CALD1: variants seen among roughly 807,000 people sequenced by gnomAD.
CALD1 encodes caldesmon.
CALD1 carries 33 observed loss-of-function variants against 99.9 expected under a neutral mutation model. That is an observed-to-expected ratio of 0.33 (90% CI 0.25 to 0.44). The LOEUF is 0.44. Ranked by LOEUF, CALD1 falls within the 20% of genes least tolerant of loss-of-function variation. CALD1 has a pLI of 1.00. For synonymous variants in CALD1, 310 were observed against 325.0 expected (o/e 0.95, Z 0.50); for missense variants, 861 against 962.1 (o/e 0.89, Z 1.39).
chr7:134,920,083 T>C (rs181572856), intron 3 of CALD1, among the ~76,000 whole-genome samples: 136 of 152,372 alleles, frequency 8.9e-4, no homozygotes, highest in African/African-American at 3.0e-3. Context: ...GGAATGTTTC[T>C]ATAAACTTCT....
chr7:134,842,486 T>A (rs1339585471), intron 1 of CALD1, among the ~76,000 whole-genome samples: 1 of 152,268 alleles, frequency 6.6e-6, no homozygotes, highest in Non-Finnish European at 1.5e-5. Context: ...AATTGTTTTA[T>A]AAAAATGGTA....
At chr7:134,897,460 T>G (rs1437743048) in intron 3 of CALD1, among the ~76,000 whole-genome samples, 1 of 151,544 alleles carries the variant, frequency 6.6e-6, no homozygotes, top group African/African-American at 2.4e-5. Context: ...CAAAGTCATC[T>G]GATATTTTCT....
At chr7:134,953,952 T>C (rs1401528295) in intron 9 of CALD1, among the ~76,000 whole-genome samples, 2 of 152,202 alleles carry the variant, frequency 1.3e-5, no homozygotes, top group Admixed American at 6.5e-5. Flanking sequence ...CTTCCCTCCA[T>C]GTATGTGCCT....
intron 2 of CALD1, among the ~76,000 whole-genome samples, chr7:134,858,833 G>T (rs1286539593): frequency 1.3e-5 from 2 of 152,178 alleles, no homozygotes; most frequent in African/African-American, 4.8e-5. Flanking sequence ...CTCCCAAAGT[G>T]CTGGGATCAC....
chr7:134,936,115 TA>T (rs1805950957), intron 6 of CALD1, among the ~76,000 whole-genome samples: 2 of 152,216 alleles, frequency 1.3e-5, no homozygotes, highest in African/African-American at 4.8e-5. Context: ...TTCTGAATGC[TA>T]ATTTTTTTTC....
At chr7:134,734,470 T>C in the CALD1 span, among the ~76,000 whole-genome samples, 1 of 151,708 alleles carries the variant, frequency 6.6e-6, no homozygotes, top group African/African-American at 2.4e-5. Context: ...GCGAAAAGAG[T>C]GTAAGTGAAT....
rs1236747387 is a variant in CALD1, at chr7:134,767,159, C to T, written c.-130+22796C>T. ...GCGAAGCTGCAAAGATATTTCAGTT[C>T]TCCCTCGTGTACACACACTCTCTCT... On this transcript the variant is annotated intron_variant, in intron 1 of 13. Coordinates refer to the CALD1 transcript ENST00000417172. Among the ~76,000 whole-genome samples, 4 of 151,386 alleles carry T rather than the reference C, an allele frequency of 2.6e-5. No individual in the cohort carries two copies. The South Asian group carries it at 8.4e-4, about 32-fold the overall frequency.
At chr7:134,735,576 T>TGTGC in the CALD1 span, among the ~76,000 whole-genome samples, 2 of 105,486 alleles carry the variant, frequency 1.9e-5, no homozygotes, top group Non-Finnish European at 4.0e-5. Flanking sequence ...TGTGTGTGTG[T>TGTGC]GTGTGTGTGT....
chr7:134,737,940 G>C, the CALD1 span, among the ~76,000 whole-genome samples: 2 of 152,320 alleles, frequency 1.3e-5, no homozygotes, highest in South Asian at 4.2e-4. Flanking sequence ...TTCGTATGTA[G>C]AGTAGGTCCA....
intron 3 of CALD1, chr7:134,920,711 C>T: frequency 7.8e-7 from 1 of 1,282,692 alleles, no homozygotes; most frequent in Non-Finnish European, 1.0e-6. Context: ...GGTCAACTGT[C>T]TACTGGCCAG....
chr7:134,892,874 T>A (rs1802307593), intron 3 of CALD1, among the ~76,000 whole-genome samples: 1 of 152,056 alleles, frequency 6.6e-6, no homozygotes, highest in South Asian at 2.1e-4. Flanking sequence ...TCCTCATCCC[T>A]CTTCTACCCC....
chr7:134,783,931 A>G lies in CALD1; in HGVS notation c.-130+4182A>G, dbSNP rs1378342485. ...AGAGGTCATTTCCAGAAAAGAAGCA[A>G]TTTTCTATGGGGAGCTCGTGGGGGC... On this transcript the variant is annotated intron_variant, in intron 1 of 14. Transcript: ENST00000361675. This position sits in a 1 kb window ranked among gnomAD's most constrained non-coding sequence, Gnocchi z 4.3. Among the ~76,000 whole-genome samples the G allele has an allele frequency of 1.3e-5, 2 of 152,100 alleles. No homozygotes were observed. Among genetic ancestry groups the G allele is most frequent in the African/African-American group, 4.8e-5 (2 of 41,408 alleles).
At chr7:134,853,533 T>C (rs1800166132) in intron 2 of CALD1, among the ~76,000 whole-genome samples, 1 of 152,140 alleles carries the variant, frequency 6.6e-6, no homozygotes, top group Non-Finnish European at 1.5e-5. Context: ...CTTTTTTTCT[T>C]CTTTTTAGGT....
At chr7:134,875,559 C>T (rs149913759) in intron 3 of CALD1, among the ~76,000 whole-genome samples, 39 of 152,294 alleles carry the variant, frequency 2.6e-4, no homozygotes, top group African/African-American at 9.1e-4. Context: ...ATTGCTTGAA[C>T]CCGGGAGGTG....
intron 1 of CALD1, among the ~76,000 whole-genome samples, chr7:134,836,048 A>G (rs201001668): frequency 0.053 from 3,894 of 72,980 alleles, no homozygotes; most frequent in East Asian, 0.21. Flanking sequence ...AGGAAGCTGA[A>G]GCAGGAGAAT....
At chr7:134,900,367 C>T (rs956133237) in intron 3 of CALD1, among the ~76,000 whole-genome samples, 4 of 152,108 alleles carry the variant, frequency 2.6e-5, no homozygotes, top group African/African-American at 7.3e-5. Flanking sequence ...TGAGTTCACA[C>T]GGCTTTTGAA....
chr7:134,883,925 C>T (rs559644482), intron 3 of CALD1, among the ~76,000 whole-genome samples: 22 of 152,124 alleles, frequency 1.4e-4, no homozygotes, highest in African/African-American at 3.1e-4. Context: ...CTGACCAACA[C>T]GGTGAGGTCT....
chr7:134,792,455 A>G (rs1312576170), intron 1 of CALD1, among the ~76,000 whole-genome samples: 1 of 151,492 alleles, frequency 6.6e-6, no homozygotes, highest in Non-Finnish European at 1.5e-5. Flanking sequence ...ATGCCAGGCT[A>G]ATTTTTTTGT....
intron 3 of CALD1, among the ~76,000 whole-genome samples, chr7:134,907,600 CA>C (rs979803905): frequency 2.6e-5 from 4 of 152,086 alleles, no homozygotes; most frequent in Non-Finnish European, 4.4e-5. Context: ...TTCTAAGTTT[CA>C]AACATATTCT....
Sources: gnomAD v4.1 joint callset for allele counts (sites outside exome capture counted in the v4.1 genomes callset) on GRCh38, gnomAD v4.1.1 for gene constraint, Gnocchi (gnomAD v3.1) non-coding constraint, MANE v1.5 for transcripts, NCBI Gene and HGNC (gene_info 2026-07-23, HGNC 2026-07-21) for gene names.